The following ADAM12 variants were observed in gnomAD, a reference collection of about 807,000 sequenced individuals.
ADAM12 encodes ADAM metallopeptidase domain 12, also known as disintegrin and metalloproteinase domain-containing protein 12.
In ADAM12, 70 loss-of-function variants were observed where a neutral mutation model predicts 106.4. That is an observed-to-expected ratio of 0.66 (90% CI 0.54 to 0.80). The LOEUF (loss-of-function observed/expected upper bound fraction) is 0.80. Among genes scored for constraint, ADAM12 ranks in the 30% least tolerant of loss-of-function variants. The pLI, the probability that ADAM12 is intolerant of heterozygous loss-of-function variation, is 0.00. For synonymous variants in ADAM12, 420 were observed against 433.5 expected (o/e 0.97, Z 0.39); for missense variants, 1,010 against 1,171.9 (o/e 0.86, Z 2.02).
intron 21 of ADAM12, among the ~76,000 whole-genome samples, chr10:126,033,370 G>T (rs1954003130): frequency 6.6e-6 from 1 of 152,160 alleles, no homozygotes; most frequent in Admixed American, 6.5e-5. Flanking sequence ...GGACAAGGTG[G>T]AATAAGTACA....
At chr10:126,337,475 A>G (rs886957186) in intron 1 of ADAM12, among the ~76,000 whole-genome samples, 6 of 152,190 alleles carry the variant, frequency 3.9e-5, no homozygotes, top group Non-Finnish European at 1.5e-5. Flanking sequence ...CATTCAGCAC[A>G]GAAAAAGAAG....
At position 126,228,212 on chromosome 10, in the gene ADAM12, C is replaced by A. The variant is rs114222365; in HGVS notation, c.260+50703G>T. 8.8e-3 allele frequency among the ~76,000 whole-genome samples: 1,335 copies of A among 152,252 alleles called. 18 individuals are homozygous for A. Among genetic ancestry groups the A allele is most frequent in the African/African-American group, 0.03 (1,256 of 41,534 alleles). ...AACATTTTCTGAAAGTTCACAAAGT[C>A]GTAACTGTACCCCCCAATATGCCAA... On this transcript the variant is annotated intron_variant, in intron 3 of 22. Transcript: ENST00000448723.
chr10:126,377,009 A>G (rs1856318055), intron 1 of ADAM12, among the ~76,000 whole-genome samples: 1 of 152,222 alleles, frequency 6.6e-6, no homozygotes, highest in Admixed American at 6.5e-5. Flanking sequence ...AGTTTGTTCA[A>G]GGTTTGGGGT....
intron 21 of ADAM12, among the ~76,000 whole-genome samples, chr10:126,034,120 T>C (rs1954016610): frequency 6.6e-6 from 1 of 152,264 alleles, no homozygotes; most frequent in Non-Finnish European, 1.5e-5. Context: ...TAAAAGGTGA[T>C]AGTTTCTGTA....
intron 3 of ADAM12, among the ~76,000 whole-genome samples, chr10:126,206,775 G>T (rs1475788104): frequency 1.4e-5 from 2 of 147,902 alleles, no homozygotes; most frequent in African/African-American, 5.0e-5. Context: ...AGGCAGGGAG[G>T]AAGGAAAGTG....
At chr10:126,088,545 A>AT (rs1955401280) in intron 11 of ADAM12, among the ~76,000 whole-genome samples, 2 of 67,264 alleles carry the variant, frequency 3.0e-5, no homozygotes, top group Non-Finnish European at 5.0e-5. Flanking sequence ...TATTAAATAT[A>AT]CCAAAAAAAA....
chr10:126,098,299 G>T, intron 10 of ADAM12, 117 bp downstream of exon 10: 1 of 819,308 alleles, frequency 1.2e-6, no homozygotes, highest in South Asian at 1.8e-5. Flanking sequence ...AGTAAAAATA[G>T]AGTTAAATCT....
At chr10:126,243,473 C>G (rs1037608002) in intron 3 of ADAM12, among the ~76,000 whole-genome samples, 73 of 97,260 alleles carry the variant, frequency 7.5e-4, no homozygotes, top group Admixed American at 5.9e-3. Context: ...GGGAGCAACT[C>G]TGTGTGTGTG....
chr10:126,159,255 A>T (rs1956890075), intron 3 of ADAM12, among the ~76,000 whole-genome samples: 1 of 139,192 alleles, frequency 7.2e-6, no homozygotes, highest in Admixed American at 7.8e-5. Context: ...GCTTGCAGTG[A>T]GCCGAGATCA....
At position 126,197,081 on chromosome 10, in the gene ADAM12, G is replaced by A. The variant is rs564093747; in HGVS notation, c.261-41776C>T. Among the ~76,000 whole-genome samples, 137 of 152,286 alleles carry A rather than the reference G, an allele frequency of 9.0e-4. 2 individuals carry two copies. Among genetic ancestry groups the A allele is most frequent in the Non-Finnish European group, 1.7e-3 (117 of 68,014 alleles). ...GAAGAAGAGAAAGAAGTAGAAATCT[G>A]CCGTGCAATCCAGACCTGAGATAAA... On this transcript the variant is annotated intron_variant, in intron 3 of 22. Coordinates refer to ENST00000448723, the MANE Select transcript of ADAM12 (RefSeq NM_001288973.2).
intron 3 of ADAM12, among the ~76,000 whole-genome samples, chr10:126,158,922 A>AG: frequency 7.0e-6 from 1 of 143,422 alleles, no homozygotes; most frequent in Middle Eastern, 3.9e-3. Flanking sequence ...CAGAGCATGG[A>AG]GGGGGGATGC....
chr10:126,215,187 T>G (rs1957966483), intron 3 of ADAM12, among the ~76,000 whole-genome samples: 1 of 152,208 alleles, frequency 6.6e-6, no homozygotes, highest in African/African-American at 2.4e-5. Context: ...CCAAACCAGC[T>G]CTGCTCCTGA....
At chr10:126,120,467 G>A (rs1361144231) in intron 5 of ADAM12, among the ~76,000 whole-genome samples, 2 of 152,156 alleles carry the variant, frequency 1.3e-5, no homozygotes, top group African/African-American at 2.4e-5. Flanking sequence ...AAAGTCTGTT[G>A]GGCCTGCAGA....
intron 8 of ADAM12, among the ~76,000 whole-genome samples, chr10:126,101,648 T>C (rs1955670460): frequency 6.6e-6 from 1 of 152,206 alleles, no homozygotes; most frequent in South Asian, 2.1e-4. Context: ...CCAAGGACAA[T>C]AACTTGTTCA....
At chr10:126,250,860 T>C (rs1958732453) in intron 3 of ADAM12, among the ~76,000 whole-genome samples, 2 of 152,256 alleles carry the variant, frequency 1.3e-5, no homozygotes, top group Non-Finnish European at 2.9e-5. Context: ...CTCATTTATG[T>C]GTATGCATCA....
intron 21 of ADAM12, among the ~76,000 whole-genome samples, chr10:126,026,940 T>C (rs781585166): frequency 1.3e-5 from 2 of 151,742 alleles, no homozygotes; most frequent in Non-Finnish European, 2.9e-5. Flanking sequence ...CTGAAGGAGA[T>C]AGACATGAAA....
At chr10:126,135,344 C>A in intron 5 of ADAM12, 1 of 487,098 alleles carries the variant, frequency 2.1e-6, no homozygotes, top group Non-Finnish European at 3.6e-6. Flanking sequence ...CGCTTTTACC[C>A]CACCAGGCCT....
At chr10:126,115,267 T>C (rs1450641267) in intron 6 of ADAM12, among the ~76,000 whole-genome samples, 1 of 152,206 alleles carries the variant, frequency 6.6e-6, no homozygotes, top group Non-Finnish European at 1.5e-5. Context: ...TGGGATGTCT[T>C]ATGTGATTTT....
At chr10:126,386,160 G>T (rs1856652956) in intron 1 of ADAM12, among the ~76,000 whole-genome samples, 1 of 152,130 alleles carries the variant, frequency 6.6e-6, no homozygotes. Context: ...GGTTGTTACT[G>T]GGTTCAGGAA....
Sources: gnomAD v4.1 joint callset for allele counts (sites outside exome capture counted in the v4.1 genomes callset) on GRCh38, gnomAD v4.1.1 for gene constraint, MANE v1.5 for transcripts, NCBI Gene and HGNC (gene_info 2026-07-23, HGNC 2026-07-21) for gene names.